Variants in ATP6V0C observed in about 807,000 individuals in gnomAD.
The protein encoded by ATP6V0C is V-type proton ATPase 16 kDa proteolipid subunit c.
Under a neutral mutation model 10.6 loss-of-function variants are expected in ATP6V0C, and 2 were observed. The ratio of observed to expected loss-of-function variants is 0.19; its 90% confidence interval spans 0.08 to 0.59. The LOEUF (loss-of-function observed/expected upper bound fraction) is 0.59, where lower values mean the gene tolerates loss of function less well. Among genes scored for constraint, ATP6V0C ranks in the 20% least tolerant of loss-of-function variants. ATP6V0C has a pLI of 0.90. For missense variants in ATP6V0C, 89 were observed against 225.9 expected, an observed-to-expected ratio of 0.39 and a Z score of 3.88; for synonymous variants, 128 against 101.3, an observed-to-expected ratio of 1.26 and a Z score of -1.59.
At position 2,519,872 on chromosome 16, in the gene ATP6V0C, G is replaced by C. The variant is rs969276928; in HGVS notation, c.*127G>C. The C allele has an allele frequency of 4.1e-5, 51 of 1,257,702 alleles. No individual in the cohort carries two copies. The highest frequency in any genetic ancestry group is 5.8e-5 in the Non-Finnish European group (51 of 880,734). The allele number at this position is 1,257,702 out of a possible 1,614,324, so 77.9% of individuals were successfully genotyped here. A position where few individuals can be genotyped will look rare whatever the true frequency, so the allele number is the denominator to read the frequency against. On this transcript the variant is annotated 3_prime_UTR_variant, in exon 3 of 3. Transcript: ENST00000330398. Reference sequence around the variant, plus strand: ...GTAGTTGGTCTTGTACATGCGCAGTGTCCTAGTGCCCATCGTCTGTTTCCC... The same window carrying C: ...GTAGTTGGTCTTGTACATGCGCAGTCTCCTAGTGCCCATCGTCTGTTTCCC...
rs146819964 is a variant in ATP6V0C, at chr16:2,519,703, C to T, written c.426C>T (p.Gly142=). The change falls in exon 3 of 3, where the codon GGC becomes GGT. Residue 142 remains glycine, a synonymous_variant. Transcript: ENST00000330398. ...TTCTCATCTTCGCCGAGGTGCTCGGCCTCTACGGTCTCATCGTCGCCCTCA... is the reference window on the plus strand; with the variant it reads ...TTCTCATCTTCGCCGAGGTGCTCGGTCTCTACGGTCTCATCGTCGCCCTCA... ...ILILIFAEVL[G]LYGLIVALIL... is the part of the protein sequence containing the mutation. The T allele has an allele frequency of 2.8e-4, 446 of 1,611,252 alleles. No individual in the cohort carries two copies. The highest frequency in any genetic ancestry group is 3.5e-4 in the Admixed American group (21 of 59,896).
intron 1 of ATP6V0C, among the ~76,000 whole-genome samples, chr16:2,518,765 C>G (rs1385638210): frequency 6.6e-6 from 1 of 152,192 alleles, no homozygotes; most frequent in Admixed American, 6.5e-5. Flanking sequence ...CCGGTCACAC[C>G]CTGTAGCAGT....
chr16:2,514,049 CCCGCCT>C lies in ATP6V0C; in HGVS notation c.-49_-44del, dbSNP rs2065863970. 2.0e-6 allele frequency: 3 copies of C among 1,500,874 alleles called. No individual in the cohort carries two copies. Among genetic ancestry groups the C allele is most frequent in the East Asian group, 2.7e-5 (1 of 37,494 alleles). 93.0% of individuals were successfully genotyped at this position (1,500,874 alleles called of 1,614,324 possible). A position where few individuals can be genotyped will look rare whatever the true frequency, so the allele number is the denominator to read the frequency against. ...CCTTCGTGCCCGGCCCGTCCTCGCC[CCCGCCT>C]CCGCCACCGCCTCGGCCCGCAGAGC... On this transcript the variant is annotated 5_prime_UTR_variant, in exon 1 of 3. Transcript: ENST00000330398.
rs4786290 is a variant in ATP6V0C, at chr16:2,519,203, G to A, written c.80-15G>A. On this transcript the variant is annotated splice_polypyrimidine_tract_variant and intron_variant, in intron 1 of 2. Coordinates refer to ENST00000330398, the MANE Select transcript of ATP6V0C (RefSeq NM_001694.4). ...CTGCGTACTGCTGTGGGCTCACCCCGCCTTCCTCCCACAGCCCTGGGCGCT... is the reference window on the plus strand; with the variant it reads ...CTGCGTACTGCTGTGGGCTCACCCCACCTTCCTCCCACAGCCCTGGGCGCT... The A allele has an allele frequency of 2.2e-5, 35 of 1,601,706 alleles. No individual in the cohort carries two copies. In the Admixed American group the frequency reaches 4.2e-4, roughly 19 times the overall value.
chr16:2,518,934 A>G (rs998848882), intron 1 of ATP6V0C: 4 of 425,582 alleles, frequency 9.4e-6, no homozygotes, highest in Non-Finnish European at 1.7e-5. Context: ...CAGGAGCCCC[A>G]GATGGGTCAC....
At chr16:2,514,305 G>C (rs939223010) in intron 1 of ATP6V0C, 123 bp downstream of exon 1, 2 of 1,114,646 alleles carry the variant, frequency 1.8e-6, no homozygotes, top group African/African-American at 3.3e-5. Flanking sequence ...GGGCGCCCGG[G>C]CCTCGTGTGA....
intron 1 of ATP6V0C, among the ~76,000 whole-genome samples, chr16:2,514,764 C>T (rs2065868850): frequency 1.3e-5 from 2 of 152,196 alleles, no homozygotes; most frequent in Admixed American, 6.5e-5. Context: ...GAGCTGGTTA[C>T]AGTTGCCCAA....
At chr16:2,519,432 G>A (rs745611504) in intron 2 of ATP6V0C, 31 bp downstream of exon 2, 1 of 1,593,802 alleles carries the variant, frequency 6.3e-7, no homozygotes, top group East Asian at 2.2e-5. Flanking sequence ...CCTGCCCAGG[G>A]CTGGAGGACT....
intron 1 of ATP6V0C, among the ~76,000 whole-genome samples, chr16:2,515,983 G>A (rs1049600221): frequency 6.6e-6 from 1 of 152,248 alleles, no homozygotes; most frequent in Admixed American, 6.5e-5. Flanking sequence ...TTGAGAACAC[G>A]GTATTGCTGG....
chr16:2,519,046 C>T (rs974036553), intron 1 of ATP6V0C, 172 bp from the exon 2 acceptor site: 26 of 690,288 alleles, frequency 3.8e-5, no homozygotes, highest in South Asian at 1.9e-4. Flanking sequence ...TTTGCTTGCC[C>T]GTGGCTGTTC....
chr16:2,513,805 G>T, upstream of ATP6V0C: 1 of 219,602 alleles, frequency 4.6e-6, no homozygotes, highest in Non-Finnish European at 8.9e-6. Context: ...CGGGCGCCGG[G>T]GCCGGGTCGC....
chr16:2,515,489 G>A (rs953381091), intron 1 of ATP6V0C, among the ~76,000 whole-genome samples: 1 of 152,232 alleles, frequency 6.6e-6, no homozygotes, highest in Admixed American at 6.5e-5. Context: ...TTCTGCCTGG[G>A]CCTGTCTGCC....
Position 2,513,973 on chromosome 16 carries a change from G to C in ATP6V0C, c.-131G>C. ...TTTTGTTCTGCGGTGCTGGTATTTA[G>C]AGCGCAGCGGCTGACGGGCCGGATC... On this transcript the variant is annotated 5_prime_UTR_variant, in exon 1 of 3. Transcript: ENST00000330398. 1 of 778,564 alleles carries C rather than the reference G, an allele frequency of 1.3e-6. No individual in the cohort carries two copies. The highest frequency in any genetic ancestry group is 2.0e-6 in the Non-Finnish European group (1 of 498,612). The allele number at this position is 778,564 out of a possible 1,614,324, so 48.2% of individuals were successfully genotyped here.
At chr16:2,517,610 GT>G (rs925982948) in intron 1 of ATP6V0C, 1 of 152,240 alleles carries the variant, frequency 6.6e-6, no homozygotes, top group African/African-American at 2.4e-5. Flanking sequence ...GGGTAGGCAA[GT>G]TTTGTGGCCC....
upstream of ATP6V0C, chr16:2,513,865 C>A (rs2065862456): frequency 2.6e-6 from 1 of 382,352 alleles, no homozygotes; most frequent in African/African-American, 2.2e-5. Context: ...CCGGGCGTCC[C>A]GGGGACGCGT....
chr16:2,513,961 T>C lies in ATP6V0C; in HGVS notation c.-143T>C, dbSNP rs1038755019. 4.3e-6 allele frequency: 3 copies of C among 692,038 alleles called. No individual in the cohort carries two copies. The African/African-American group carries it at 5.8e-5, about 13-fold the overall frequency. 42.9% of individuals were successfully genotyped at this position (692,038 alleles called of 1,614,324 possible). A position where few individuals can be genotyped will look rare whatever the true frequency, so the allele number is the denominator to read the frequency against. The stretch of plus-strand genomic sequence containing the variant: ...CCGCGGCCGCCATTTTGTTCTGCGG[T>C]GCTGGTATTTAGAGCGCAGCGGCTG... On this transcript the variant is annotated 5_prime_UTR_variant, in exon 1 of 3. Transcript: ENST00000330398.
chr16:2,517,766 T>G (rs1266060118), intron 1 of ATP6V0C: 1 of 150,578 alleles, frequency 6.6e-6, no homozygotes, highest in African/African-American at 2.5e-5. Flanking sequence ...TGTCAGAGAT[T>G]CACTCTTGTT....
At chr16:2,514,317 A>G in intron 1 of ATP6V0C, 135 bp downstream of exon 1, 2 of 987,520 alleles carry the variant, frequency 2.0e-6, no homozygotes, top group Non-Finnish European at 2.7e-6. Context: ...CTCGTGTGAC[A>G]GCGGGCGGGG....
intron 1 of ATP6V0C, among the ~76,000 whole-genome samples, chr16:2,514,737 G>T (rs930671145): frequency 6.6e-6 from 1 of 152,236 alleles, no homozygotes; most frequent in Non-Finnish European, 1.5e-5. Flanking sequence ...TCACCCACAG[G>T]CAGGTACTTC....
Sources: allele counts gnomAD v4.1 joint callset (sites outside exome capture counted in the v4.1 genomes callset), GRCh38; gene constraint gnomAD v4.1.1; transcripts MANE v1.5; gene names NCBI Gene and HGNC (gene_info 2026-07-23, HGNC 2026-07-21).